The following ADAMTS13 variants were observed in gnomAD, a reference collection of about 807,000 sequenced individuals.
The protein encoded by ADAMTS13 is ADAM metallopeptidase with thrombospondin type 1 motif 13.
Under a neutral mutation model 155.1 loss-of-function variants are expected in ADAMTS13, and 110 were observed. That is an observed-to-expected ratio of 0.71 (90% CI 0.61 to 0.83). The LOEUF (loss-of-function observed/expected upper bound fraction) is 0.83, where lower values mean the gene tolerates loss of function less well. Among genes scored for constraint, ADAMTS13 ranks in the 40% least tolerant of loss-of-function variants. ADAMTS13 has a pLI of 0.00. For missense variants in ADAMTS13, 1,707 were observed against 1,891.7 expected, an observed-to-expected ratio of 0.90 and a Z score of 1.81; for synonymous variants, 758 against 756.4, an observed-to-expected ratio of 1.00 and a Z score of -0.03.
chr9:133,419,960 A>G (rs982995788), upstream of ADAMTS13, among the ~76,000 whole-genome samples: 1 of 150,438 alleles, frequency 6.6e-6, no homozygotes, highest in African/African-American at 2.5e-5. Flanking sequence ...GCTGGAGTGC[A>G]ATGGCGCAAT....
At position 133,429,963 on chromosome 9, in the gene ADAMTS13, G is replaced by A; in HGVS notation, c.849G>A (p.Trp283Ter). Residue 283 changes from tryptophan to a stop codon, truncating the protein, a stop_gained, in exon 8 of 29, where the codon TGG becomes TGA. Transcript: ENST00000355699. LOFTEE classifies it high-confidence loss of function. ...LLSAGRARCV[W>*]DPPRPQPGSA... Reference sequence around the variant, plus strand: ...GCGCAGGACGGGCGCGCTGCGTGTGGGACCCGCCGCGGCCTCAACCCGGGT... The same window carrying A: ...GCGCAGGACGGGCGCGCTGCGTGTGAGACCCGCCGCGGCCTCAACCCGGGT... 1 of 1,539,576 alleles carries A rather than the reference G, an allele frequency of 6.5e-7. No homozygotes were observed. The highest frequency in any genetic ancestry group is 8.7e-7 in the Non-Finnish European group (1 of 1,147,288).
Position 133,449,133 on chromosome 9 carries a change from C to A in ADAMTS13, c.2861+405C>A, listed in dbSNP as rs149802686. Among the ~76,000 whole-genome samples, 35 of 152,236 alleles carry A rather than the reference C, an allele frequency of 2.3e-4. No individual in the cohort carries two copies. In the East Asian group the frequency reaches 6.8e-3, roughly 29 times the overall value. ...ATGCATGTAAAGTACATGCTAAATGCAATGAGTGTAAAATGCATGCTCGAT... is the reference window on the plus strand; with the variant it reads ...ATGCATGTAAAGTACATGCTAAATGAAATGAGTGTAAAATGCATGCTCGAT... On this transcript the variant is annotated intron_variant, in intron 22 of 28. Coordinates refer to ENST00000355699, the MANE Select transcript of ADAMTS13 (RefSeq NM_139027.6).
chr9:133,452,119 C>T (rs1554794511), intron 23 of ADAMTS13, among the ~76,000 whole-genome samples: 1 of 136,672 alleles, frequency 7.3e-6, no homozygotes, highest in Non-Finnish European at 1.7e-5. Flanking sequence ...TTTTTCTTCT[C>T]CTTTTTTTTT....
chr9:133,419,663 GAGA>G (rs1453177246), upstream of ADAMTS13, among the ~76,000 whole-genome samples: 3 of 152,190 alleles, frequency 2.0e-5, no homozygotes, highest in Non-Finnish European at 4.4e-5. Context: ...CTGAGAGGCT[GAGA>G]AGGACGAGGA....
intron 28 of ADAMTS13, among the ~76,000 whole-genome samples, chr9:133,458,582 ATGG>A (rs1842895361): frequency 3.3e-5 from 5 of 151,368 alleles, no homozygotes; most frequent in African/African-American, 1.2e-4. Context: ...AAAAAGCGAA[ATGG>A]TAAAGAATGG....
rs146848917 is a variant in ADAMTS13 at position 133,437,024 on chromosome 9, T to C, written c.1435+69T>C. 7.3e-5 allele frequency: 111 copies of C among 1,525,988 alleles called. No individual in the cohort carries two copies. In the African/African-American group the frequency reaches 1.4e-3, roughly 19 times the overall value. The allele number at this position is 1,525,988 out of a possible 1,614,324, so 94.5% of individuals were successfully genotyped here. Reference sequence around the variant, plus strand: ...GAGACCCTCGGACAGGGCAGAGTCATAGGGGGGTTGGCCTACTATCCCTCC... The same window carrying C: ...GAGACCCTCGGACAGGGCAGAGTCACAGGGGGGTTGGCCTACTATCCCTCC... On this transcript the variant is annotated intron_variant, in intron 12 of 28. Transcript: ENST00000355699.
rs988676366 is a variant in ADAMTS13, at chr9:133,426,084, T to G, written c.539+22T>G. On this transcript the variant is annotated intron_variant, in intron 5 of 28. Transcript: ENST00000355699. ...CTAGGTAGCCGAGCTTTCTGATGGG[T>G]GCTGGCCAGCCAGCCTGGGAAGGCT... The G allele has an allele frequency of 2.5e-6, 4 of 1,613,822 alleles. No homozygotes were observed. In the Admixed American group the frequency reaches 5.0e-5, roughly 20 times the overall value.
In ADAMTS13 at chr9:133,425,648, A is replaced by G. The variant is rs782590504; in HGVS notation, c.414+36A>G. ...AGCTGGAACTCAGCACACCATACAGAGCGGGAAGCCCAAGTCATCGCATCT... is the reference window on the plus strand; with the variant it reads ...AGCTGGAACTCAGCACACCATACAGGGCGGGAAGCCCAAGTCATCGCATCT... On this transcript the variant is annotated intron_variant, in intron 4 of 28. Coordinates refer to ENST00000355699, the MANE Select transcript of ADAMTS13 (RefSeq NM_139027.6). The surrounding 1 kb of genome is among the most constrained non-coding windows in gnomAD (Gnocchi z 4.6). 2.5e-6 allele frequency: 4 copies of G among 1,603,600 alleles called. No homozygotes were observed. Among genetic ancestry groups the G allele is most frequent in the Admixed American group, 1.7e-5 (1 of 59,112 alleles).
chr9:133,459,061 G>C lies in ADAMTS13; in HGVS notation c.3997G>C (p.Glu1333Gln). The C allele has an allele frequency of 6.2e-7, 1 of 1,613,036 alleles. No homozygotes were observed. The highest frequency in any genetic ancestry group is 8.5e-7 in the Non-Finnish European group (1 of 1,179,944). ...WESESSQAEM[E>Q]FSEGFLKAQA... ...GTCAGAGAGCAGCCAGGCTGAGATG[G>C]AGTTCAGCGAGGGCTTCCTGAAGGC... The change falls in exon 29 of 29, where the codon GAG becomes CAG. Residue 1333 changes from glutamate to glutamine, a missense_variant. Physicochemically the swap from Glu to Gln is conservative, Grantham distance 29. Around this residue, in one of 3 missense-constraint regions of ADAMTS13, gnomAD observed 961 missense variants for 1,107.9 expected, o/e 0.87. Coordinates refer to ENST00000355699, the MANE Select transcript of ADAMTS13 (RefSeq NM_139027.6).
At chr9:133,429,689 A>G in intron 7 of ADAMTS13, 1 of 676,082 alleles carries the variant, frequency 1.5e-6, no homozygotes, top group Non-Finnish European at 2.7e-6. Flanking sequence ...CATCTGCTCC[A>G]TCCCACTCAG....
upstream of ADAMTS13, chr9:133,422,355 C>T (rs782434247): frequency 3.2e-6 from 4 of 1,232,224 alleles, no homozygotes; most frequent in Non-Finnish European, 4.7e-6. Flanking sequence ...CAGTAGTGAG[C>T]AGGCCTGTCC....
At position 133,425,838 on chromosome 9, in the gene ADAMTS13, A is replaced by T. The variant is rs1398932833; in HGVS notation, c.415-100A>T. ...GTCTCATCCCTAACACGGGCTAGTC[A>T]TAGGGTTGTTAGGAGGACTAACTGG... On this transcript the variant is annotated intron_variant, in intron 4 of 28. Transcript: ENST00000355699. This position sits in a 1 kb window ranked among gnomAD's most constrained non-coding sequence, Gnocchi z 4.6. 1 of 1,560,844 alleles carries T rather than the reference A, an allele frequency of 6.4e-7. No homozygotes were observed. Among genetic ancestry groups the T allele is most frequent in the Non-Finnish European group, 8.7e-7 (1 of 1,154,288 alleles).
chr9:133,432,833 T>TG, intron 9 of ADAMTS13, 141 bp downstream of exon 9: 1 of 848,318 alleles, frequency 1.2e-6, no homozygotes, highest in East Asian at 2.7e-5. Context: ...GACTGTCCTT[T>TG]GGGTTGGTGG....
chr9:133,442,783 A>G (rs782119619), intron 18 of ADAMTS13, 40 bp downstream of exon 18: 7 of 1,597,288 alleles, frequency 4.4e-6, no homozygotes, highest in Non-Finnish European at 6.0e-6. Context: ...AGGGGGAGAG[A>G]GGGTTCCGCT....
upstream of ADAMTS13, chr9:133,417,804 C>A (rs782130974): frequency 1.9e-6 from 3 of 1,607,066 alleles, no homozygotes; most frequent in Middle Eastern, 1.7e-4. Context: ...CACGGGGCTG[C>A]TCGGGGCGCG....
upstream of ADAMTS13, among the ~76,000 whole-genome samples, chr9:133,419,926 C>T (rs1490509083): frequency 7.3e-6 from 1 of 137,908 alleles, no homozygotes; most frequent in Non-Finnish European, 1.6e-5. Context: ...TTTTTTGAGA[C>T]GAAGTTATGC....
In ADAMTS13 at chr9:133,456,069, G is replaced by T; in HGVS notation, c.3401G>T (p.Gly1134Val). ...GCWAGPCVGQ[G>V]ACGRQHLEPT... The stretch of plus-strand genomic sequence containing the variant: ...TACCTGTCTCCTGCTCCCTTTTCAG[G>T]TGCCTGTGGCAGGCAGCACCTTGAG... The change falls in exon 26 of 29, where the codon GGT (glycine) becomes GTT (valine). Residue 1134 changes from glycine to valine, a missense_variant and splice_region_variant. This residue lies in a region of ADAMTS13 where 961 missense variants were observed against 1,107.9 expected (regional missense o/e 0.87). Transcript: ENST00000355699. The surrounding 1 kb of genome is among the most constrained non-coding windows in gnomAD (Gnocchi z 4.4). The T allele has an allele frequency of 6.2e-7, 1 of 1,613,294 alleles. No homozygotes were observed. Among genetic ancestry groups the T allele is most frequent in the South Asian group, 1.1e-5 (1 of 91,088 alleles).
chr9:133,437,945 A>T, intron 13 of ADAMTS13, 48 bp downstream of exon 13: 1 of 1,611,120 alleles, frequency 6.2e-7, no homozygotes. Context: ...TACCTGTCCT[A>T]TCGGAAGGCT....
chr9:133,439,465 T>G lies in ADAMTS13; in HGVS notation c.1786+19T>G, dbSNP rs1554790080. On this transcript the variant is annotated intron_variant, in intron 15 of 28. Coordinates refer to ENST00000355699, the MANE Select transcript of ADAMTS13 (RefSeq NM_139027.6). ...CACTTGGGTGAGTTGACTGGAGGAC[T>G]CCCACCCAGTTAGCTAGACTGCAAA... 2.5e-6 allele frequency: 4 copies of G among 1,597,570 alleles called. No individual in the cohort carries two copies. Among genetic ancestry groups the G allele is most frequent in the Middle Eastern group, 1.7e-4 (1 of 6,026 alleles).
Sources: allele counts gnomAD v4.1 joint callset (sites outside exome capture counted in the v4.1 genomes callset), GRCh38; gene constraint gnomAD v4.1.1; regional missense constraint gnomAD v4.1.1; non-coding constraint Gnocchi (gnomAD v3.1); transcripts MANE v1.5; gene names NCBI Gene and HGNC (gene_info 2026-07-23, HGNC 2026-07-21).